Variants in PTCH2 observed in about 807,000 individuals in gnomAD.
PTCH2 encodes the protein protein patched homolog 2.
A neutral mutation model predicts 117.9 loss-of-function variants in PTCH2; 96 were observed. The ratio of observed to expected loss-of-function variants is 0.81; its 90% confidence interval spans 0.69 to 0.96. The LOEUF (loss-of-function observed/expected upper bound fraction) is 0.96, where lower values mean the gene tolerates loss of function less well. Among genes scored for constraint, PTCH2 ranks in the 50% least tolerant of loss-of-function variants. The pLI, the probability that PTCH2 is intolerant of heterozygous loss-of-function variation, is 0.00. For missense variants in PTCH2, 1,379 were observed against 1,562.5 expected (o/e 0.88, Z 1.98); for synonymous variants, 615 against 660.9 (o/e 0.93, Z 1.06).
At chr1:44,820,181 T>G, downstream of PTCH2, 3 of 350,746 alleles carry the variant, frequency 8.6e-6, no homozygotes, top group South Asian at 6.2e-5. Context: ...ATCTTGAGGG[T>G]ATCTTTTCGT....
At chr1:44,836,919 T>G (rs11573557) in intron 2 of PTCH2, among the ~76,000 whole-genome samples, 31,453 of 151,988 alleles carry the variant, frequency 0.21, 3,428 homozygotes, top group East Asian at 0.28. Flanking sequence ...GTCACTGCAC[T>G]CCAGCCTGGG....
At chr1:44,829,105 A>C (rs1435967032) in intron 10 of PTCH2, 31 bp from the exon 11 acceptor site, 1 of 1,613,582 alleles carries the variant, frequency 6.2e-7, no homozygotes, top group Non-Finnish European at 8.5e-7. Flanking sequence ...GCAGCTGAGG[A>C]CCCGTGAAGC....
At position 44,828,291 on chromosome 1, in the gene PTCH2, A is replaced by T; in HGVS notation, c.1709+5T>A. On this transcript the variant is annotated splice_donor_5th_base_variant and intron_variant, in intron 13 of 21. Coordinates refer to ENST00000372192, the MANE Select transcript of PTCH2 (RefSeq NM_003738.5). ...GGGAGGAAGGGGCTGGGGCGCAGGC[A>T]GTACCTGGAGAAGCAGCAGAGCACA... The T allele has an allele frequency of 6.2e-7, 1 of 1,613,866 alleles. No homozygotes were observed. The highest frequency in any genetic ancestry group is 8.5e-7 in the Non-Finnish European group (1 of 1,179,832).
At chr1:44,837,264 T>C (rs1016626142) in intron 2 of PTCH2, among the ~76,000 whole-genome samples, 13 of 152,122 alleles carry the variant, frequency 8.5e-5, no homozygotes, top group Non-Finnish European at 1.6e-4. Context: ...TATTTATTTA[T>C]ATATTTTTTT....
rs987564189 is a variant in PTCH2, at chr1:44,830,962, G to T, written c.699C>A (p.Gly233=). ...EELGPFASLE[G]FRELLDKAQV... ...GTGCCTTGTCTAGCAGCTCCCGGAAGCCCTCAAGGGAGGCAAAGGGACCCA... is the reference window on the plus strand; with the variant it reads ...GTGCCTTGTCTAGCAGCTCCCGGAATCCCTCAAGGGAGGCAAAGGGACCCA... The change falls in exon 6 of 22, where the codon GGC becomes GGA. Residue 233 remains glycine, a synonymous_variant. Coordinates refer to ENST00000372192, the MANE Select transcript of PTCH2 (RefSeq NM_003738.5). 6.2e-7 allele frequency: 1 copy of T among 1,610,676 alleles called. No homozygotes were observed. The highest frequency in any genetic ancestry group is 1.3e-5 in the African/African-American group (1 of 74,978).
At chr1:44,825,342 C>G (rs945927051) in intron 19 of PTCH2, among the ~76,000 whole-genome samples, 1 of 150,140 alleles carries the variant, frequency 6.7e-6, no homozygotes, top group Non-Finnish European at 1.5e-5. Context: ...TTCACCATGT[C>G]GGCCAGGCTG....
At position 44,830,004 on chromosome 1, in the gene PTCH2, A is replaced by G. The variant is rs147627670; in HGVS notation, c.840T>C (p.Ser280=). 10,150 of 1,614,010 alleles carry G rather than the reference A, an allele frequency of 6.3e-3. 56 individuals carry two copies. Among genetic ancestry groups the G allele is most frequent in the East Asian group, 0.013 (562 of 44,868 alleles). Residue 280 remains serine (S), a synonymous_variant, in exon 7 of 22, where the codon AGT becomes AGC. Transcript: ENST00000372192. ...TGTGGGAGAAGCCATGGCAGCCCCC[A>G]CTCAGCTCGTGAGCCACATTGGGAG... ...RQAPNVAHEL[S]GGCHGFSHKF...
At position 44,843,191 on chromosome 1, in the gene PTCH2, G is replaced by C; in HGVS notation, c.-259C>G. ...GGCCGCGGCGGCTGGAGGAGGAATGGGTCCCGCGCGCAGGCGGAATTGCTG... is the reference window on the plus strand; with the variant it reads ...GGCCGCGGCGGCTGGAGGAGGAATGCGTCCCGCGCGCAGGCGGAATTGCTG... On this transcript the variant is annotated 5_prime_UTR_variant, in exon 1 of 22. Transcript: ENST00000372192. The C allele has an allele frequency of 8.2e-7, 1 of 1,216,476 alleles. No homozygotes were observed. Among genetic ancestry groups the C allele is most frequent in the Non-Finnish European group, 1.0e-6 (1 of 975,414 alleles). The allele number at this position is 1,216,476 out of a possible 1,614,324, so 75.4% of individuals were successfully genotyped here.
intron 2 of PTCH2, among the ~76,000 whole-genome samples, chr1:44,841,058 C>G (rs889829753): frequency 2.7e-5 from 4 of 149,854 alleles, no homozygotes; most frequent in African/African-American, 9.9e-5. Flanking sequence ...GTGATCCCAG[C>G]TACTTGGAGG....
chr1:44,832,308 G>GT lies in PTCH2; in HGVS notation c.298dup (p.Thr100AsnfsTer45), dbSNP rs1557647992. On this transcript the variant is annotated frameshift_variant, in exon 3 of 22. Coordinates refer to ENST00000372192, the MANE Select transcript of PTCH2 (RefSeq NM_003738.5). LOFTEE classifies it high-confidence loss of function. ...AGCCTCCTCCCCCAGCTTCTCCTTG[G>GT]TGTAATGCAGCTCCTGGCTCACCCG... is the stretch of plus-strand genomic sequence containing the variant. 6.2e-7 allele frequency: 1 copy of GT among 1,614,222 alleles called. No individual in the cohort carries two copies. The highest frequency in any genetic ancestry group is 1.1e-5 in the South Asian group (1 of 91,090).
At position 44,828,523 on chromosome 1, in the gene PTCH2, G is replaced by A. The variant is rs1342270028; in HGVS notation, c.1573C>T (p.Arg525Ter). 8 of 1,614,016 alleles carry A rather than the reference G, an allele frequency of 5.0e-6. No homozygotes were observed. Among genetic ancestry groups the A allele is most frequent in the East Asian group, 2.2e-5 (1 of 44,900 alleles). The change falls in exon 12 of 22, where the codon CGA becomes TGA. Residue 525 changes from arginine to a stop codon, truncating the protein, a stop_gained. Coordinates refer to ENST00000372192, the MANE Select transcript of PTCH2 (RefSeq NM_003738.5). LOFTEE classifies it high-confidence loss of function. ...GGCCTCACCTGTAGGGAGAAGGCTC[G>A]CAGCGCAGGGATGGGAACGAGGGCA... ...MAALVPIPAL[R>*]AFSLQAAIVV...
In PTCH2 at chr1:44,822,674, G is replaced by A. The variant is rs2148871340; in HGVS notation, c.3358-5C>T. ...TTCCTTGTACATCTGTATCACCTGTGGGGAGACACCAGCCCCAGTAAGCCC... is the reference window on the plus strand; with the variant it reads ...TTCCTTGTACATCTGTATCACCTGTAGGGAGACACCAGCCCCAGTAAGCCC... On this transcript the variant is annotated splice_region_variant and splice_polypyrimidine_tract_variant and intron_variant, in intron 21 of 21. Transcript: ENST00000372192. 1.2e-6 allele frequency: 2 copies of A among 1,613,768 alleles called. No individual in the cohort carries two copies. The highest frequency in any genetic ancestry group is 8.5e-7 in the Non-Finnish European group (1 of 1,179,802).
chr1:44,840,177 A>G (rs1277161557), intron 2 of PTCH2, among the ~76,000 whole-genome samples: 1 of 146,268 alleles, frequency 6.8e-6, no homozygotes, highest in Non-Finnish European at 1.5e-5. Context: ...ATCTTGGCTC[A>G]CTGCAACCTC....
chr1:44,822,892 A>G (rs1272269524), intron 21 of PTCH2, among the ~76,000 whole-genome samples, 177 bp downstream of exon 21: 1 of 152,104 alleles, frequency 6.6e-6, no homozygotes, highest in African/African-American at 2.4e-5. Flanking sequence ...AGAAGCCAGG[A>G]GGGCTGAGGG....
rs766965501 is a variant in PTCH2, at chr1:44,828,413, G to A, written c.1592C>T (p.Ala531Val). The change falls in exon 13 of 22, where the codon GCG becomes GTG. Residue 531 changes from alanine to valine, a missense_variant and splice_region_variant. Physicochemically the swap from Ala to Val is moderately conservative, Grantham distance 64. Coordinates refer to ENST00000372192, the MANE Select transcript of PTCH2 (RefSeq NM_003738.5). ...AAAGGTGCAGCCAACCACTATGGCCGCCTGGGGGACGGACAGGAGGGGAAT... is the reference window on the plus strand; with the variant it reads ...AAAGGTGCAGCCAACCACTATGGCCACCTGGGGGACGGACAGGAGGGGAAT... The part of the protein sequence containing the change: ...IPALRAFSLQ[A>V]AIVVGCTFVA... 62 of 1,614,158 alleles carry A rather than the reference G, an allele frequency of 3.8e-5. No individual in the cohort carries two copies. In the Admixed American group the frequency reaches 4.3e-4, roughly 11 times the overall value.
Position 44,832,295 on chromosome 1 carries a change from C to G in PTCH2, c.312G>C (p.Leu104=). 6.2e-7 allele frequency: 1 copy of G among 1,614,238 alleles called. No homozygotes were observed. The highest frequency in any genetic ancestry group is 1.3e-5 in the African/African-American group (1 of 75,062). Residue 104 remains leucine (L), a synonymous_variant, in exon 3 of 22, where the codon CTG becomes CTC. Transcript: ENST00000372192. ...GAGAGGTGTATGCAGCCTCCTCCCC[C>G]AGCTTCTCCTTGGTGTAATGCAGCT... ...SQELHYTKEK[L]GEEAAYTSQM... is the part of the protein sequence containing the mutation.
In PTCH2 at chr1:44,826,688, C is replaced by A. The variant is rs764506722; in HGVS notation, c.2776G>T (p.Ala926Ser). The stretch of plus-strand genomic sequence containing the variant: ...CATGCTGCCCGGGCCCCCTCGATGG[C>A]CTCCACAAAGTCTGCAGTCTTCTGG... ...GLQKTADFVEAIEGARAACAE... is the reference protein window; with the variant it reads ...GLQKTADFVESIEGARAACAE... The change falls in exon 18 of 22, where the codon GCC (alanine) becomes TCC (serine). Residue 926 changes from alanine (A) to serine (S), a missense_variant. Ala to Ser is a moderately conservative substitution (Grantham distance 99). Coordinates refer to ENST00000372192, the MANE Select transcript of PTCH2 (RefSeq NM_003738.5). This position sits in a 1 kb window ranked among gnomAD's most constrained non-coding sequence, Gnocchi z 5.1. 35 of 1,606,610 alleles carry A rather than the reference C, an allele frequency of 2.2e-5. No homozygotes were observed. Among genetic ancestry groups the A allele is most frequent in the Non-Finnish European group, 2.8e-5 (33 of 1,176,100 alleles).
Position 44,829,276 on chromosome 1 carries a change from A to C in PTCH2, c.1252T>G (p.Cys418Gly). The C allele has an allele frequency of 6.2e-7, 1 of 1,613,546 alleles. No homozygotes were observed. The highest frequency in any genetic ancestry group is 1.1e-5 in the South Asian group (1 of 91,068). Reference sequence around the variant, plus strand: ...CCCACGGAACCCTGGGACTGGGCGCAGTCCCACCGCAGCATGGTCACACAG... The same window carrying C: ...CCCACGGAACCCTGGGACTGGGCGCCGTCCCACCGCAGCATGGTCACACAG... ...YACVTMLRWDCAQSQGSVGLA... is the reference protein window; with the variant it reads ...YACVTMLRWDGAQSQGSVGLA... The change falls in exon 10 of 22, where the codon TGC (cysteine) becomes GGC (glycine). Residue 418 changes from cysteine to glycine, a missense_variant. Cys to Gly is a radical substitution (Grantham distance 159, BLOSUM62 -3). Transcript: ENST00000372192.
Position 44,827,552 on chromosome 1 carries a change from G to A in PTCH2, c.2221C>T (p.Leu741=). The A allele has an allele frequency of 6.2e-7, 1 of 1,614,134 alleles. No individual in the cohort carries two copies. The highest frequency in any genetic ancestry group is 8.5e-7 in the Non-Finnish European group (1 of 1,180,030). ...LRYFSLYEVA[L]VTQGGFDYAH... ...TAGTCAAAGCCACCCTGGGTCACCA[G>A]GGCCACCTCGTACAGGGAGAAGTAC... Residue 741 remains leucine, a synonymous_variant, in exon 15 of 22, where the codon CTG becomes TTG. Transcript: ENST00000372192.
Sources: allele counts gnomAD v4.1 joint callset (sites outside exome capture counted in the v4.1 genomes callset), GRCh38; gene constraint gnomAD v4.1.1; non-coding constraint Gnocchi (gnomAD v3.1); transcripts MANE v1.5; gene names NCBI Gene and HGNC (gene_info 2026-07-23, HGNC 2026-07-21).